Variants in KLHDC4 observed in about 807,000 individuals in gnomAD.
The protein encoded by KLHDC4 is kelch domain containing 4, also known as kelch domain-containing protein 4.
A neutral mutation model predicts 62.4 loss-of-function variants in KLHDC4; 90 were observed. That is an observed-to-expected ratio of 1.44 (90% CI 1.22 to 1.72). The LOEUF (loss-of-function observed/expected upper bound fraction) is 1.72. KLHDC4 is among the 40% of genes most tolerant of loss of function. The probability of loss-of-function intolerance (pLI) is 0.00; values close to 1 mark genes in which losing one functional copy is unlikely to be tolerated. For synonymous variants in KLHDC4, 386 were observed against 284.4 expected (o/e 1.36, Z -3.59); for missense variants, 1,025 against 699.7 (o/e 1.47, Z -5.25).
At chr16:87,719,989 C>T (rs2037933806) in intron 7 of KLHDC4, among the ~76,000 whole-genome samples, 1 of 152,202 alleles carries the variant, frequency 6.6e-6, no homozygotes, top group Admixed American at 6.5e-5. Flanking sequence ...CCTGCAGCCA[C>T]ATCCCCTGAT....
At chr16:87,710,501 C>CCT (rs1255484141) in intron 9 of KLHDC4, 2 of 152,338 alleles carry the variant, frequency 1.3e-5, no homozygotes, top group East Asian at 3.9e-4. Flanking sequence ...TGTCAACGGC[C>CCT]CTGAGATCAC....
chr16:87,706,165 C>T (rs1313771122), downstream of KLHDC4, among the ~76,000 whole-genome samples: 1 of 126,246 alleles, frequency 7.9e-6, no homozygotes, highest in Non-Finnish European at 1.6e-5. Flanking sequence ...GTAATGCAAA[C>T]ACAAGCTGCA....
Position 87,726,765 on chromosome 16 carries a change from C to G in KLHDC4, c.759G>C (p.Gln253His), listed in dbSNP as rs765112428. 5 of 1,565,490 alleles carry G rather than the reference C, an allele frequency of 3.2e-6. No homozygotes were observed. In the African/African-American group the frequency reaches 5.6e-5, roughly 17 times the overall value. ...CCTGTTTCCCCACCCCCCGCCTTAC[C>G]TGTTTCGAGTAGCCCCCATAGACGA... is the stretch of plus-strand genomic sequence containing the variant. ...GIVVYGGYSK[Q>H]RVKKDVDKGT... The change falls in exon 7 of 12, where the codon CAG becomes CAC. Residue 253 changes from glutamine (Q) to histidine (H), a missense_variant and splice_region_variant. By Grantham distance (24) the Gln-to-His change is conservative (BLOSUM62 0). Coordinates refer to ENST00000270583, the MANE Select transcript of KLHDC4 (RefSeq NM_017566.4).
chr16:87,740,616 T>A (rs1485208581), intron 5 of KLHDC4: 5 of 152,226 alleles, frequency 3.3e-5, no homozygotes, highest in Non-Finnish European at 5.9e-5. Context: ...AAACACCAGA[T>A]GCTGGTGTTT....
intron 7 of KLHDC4, among the ~76,000 whole-genome samples, chr16:87,718,949 C>G (rs934045027): frequency 6.6e-6 from 1 of 150,850 alleles, no homozygotes; most frequent in African/African-American, 2.4e-5. Flanking sequence ...CGTCTCTGCC[C>G]GGCCGCCCGG....
At chr16:87,703,477 C>G (rs1206363121), downstream of KLHDC4, 1 of 152,394 alleles carries the variant, frequency 6.6e-6, no homozygotes, top group Non-Finnish European at 1.5e-5. Context: ...GAGGCAGGCT[C>G]TGCCCTCCGG....
At chr16:87,708,105 G>C (rs562025908) in intron 11 of KLHDC4, 30 bp from the exon 12 acceptor site, 6 of 644,304 alleles carry the variant, frequency 9.3e-6, no homozygotes, top group South Asian at 7.6e-5. Context: ...GAATGAGAGA[G>C]AAACACATTC....
At chr16:87,712,338 C>T (rs2036059378) in intron 8 of KLHDC4, among the ~76,000 whole-genome samples, 1 of 152,178 alleles carries the variant, frequency 6.6e-6, no homozygotes, top group South Asian at 2.1e-4. Context: ...CGTCACCCGC[C>T]CATGCCCAGT....
Position 87,709,614 on chromosome 16 carries a change from T to G in KLHDC4, c.1098A>C (p.Glu366Asp), listed in dbSNP as rs376092035. ...CCCCACACGCCGGCCTGCTACCACC[T>G]TCGGGCTCCTCTTTTCTGCCCCGCC... ...KRRRGRKEEPEGGSRPACGGA... is the reference protein window; with the variant it reads ...KRRRGRKEEPDGGSRPACGGA... The change falls in exon 10 of 12, where the codon GAA becomes GAC. Residue 366 changes from glutamate to aspartate, a missense_variant. Glu to Asp is a conservative substitution (Grantham distance 45). Transcript: ENST00000270583. The G allele has an allele frequency of 2.5e-6, 4 of 1,609,996 alleles. No individual in the cohort carries two copies. In the African/African-American group the frequency reaches 5.3e-5, roughly 21 times the overall value.
chr16:87,720,556 G>A (rs906950273), intron 7 of KLHDC4, among the ~76,000 whole-genome samples: 20 of 152,202 alleles, frequency 1.3e-4, no homozygotes, highest in Admixed American at 7.9e-4. Flanking sequence ...CGCCCCTGGG[G>A]AGACGCCGCA....
chr16:87,730,778 A>G, intron 5 of KLHDC4, 134 bp from the exon 6 acceptor site: 3 of 725,924 alleles, frequency 4.1e-6, no homozygotes, highest in Non-Finnish European at 2.3e-6. Context: ...CAAATTAAAT[A>G]CCATTTAATC....
At chr16:87,751,644 T>C (rs1006699664) in intron 4 of KLHDC4, among the ~76,000 whole-genome samples, 1 of 152,102 alleles carries the variant, frequency 6.6e-6, no homozygotes, top group African/African-American at 2.4e-5. Flanking sequence ...CCTGGCCAGG[T>C]GCAGTGGCTC....
intron 7 of KLHDC4, among the ~76,000 whole-genome samples, chr16:87,724,546 A>G (rs1469368771): frequency 1.3e-5 from 2 of 152,210 alleles, no homozygotes; most frequent in African/African-American, 2.4e-5. Context: ...AGCAGAAGAC[A>G]TGAACACACA....
At chr16:87,716,113 T>A (rs1314759395) in intron 7 of KLHDC4, among the ~76,000 whole-genome samples, 1 of 152,190 alleles carries the variant, frequency 6.6e-6, no homozygotes, top group Non-Finnish European at 1.5e-5. Context: ...AGACTTTGGG[T>A]ACACACTATG....
chr16:87,765,125 G>A (rs1341483305), intron 1 of KLHDC4: 7 of 455,910 alleles, frequency 1.5e-5, no homozygotes, highest in Non-Finnish European at 2.2e-5. Flanking sequence ...CCATAAAACT[G>A]GCCCCGGTTA....
At chr16:87,709,861 T>G in intron 9 of KLHDC4, 194 bp from the exon 10 acceptor site, 1 of 647,494 alleles carries the variant, frequency 1.5e-6, no homozygotes, top group East Asian at 2.8e-5. Flanking sequence ...TGTCTCCCAC[T>G]AGCCTCGCCG....
intron 4 of KLHDC4, among the ~76,000 whole-genome samples, chr16:87,753,621 G>C (rs749851346): frequency 6.6e-6 from 1 of 150,886 alleles, no homozygotes; most frequent in Non-Finnish European, 1.5e-5. Context: ...CCAACATGGT[G>C]AAACCCCGTC....
chr16:87,743,726 C>A (rs569256045), intron 5 of KLHDC4, among the ~76,000 whole-genome samples: 1 of 151,540 alleles, frequency 6.6e-6, no homozygotes, highest in East Asian at 1.9e-4. Flanking sequence ...GGAGACAGAG[C>A]GCGACACCGC....
intron 7 of KLHDC4, among the ~76,000 whole-genome samples, chr16:87,717,134 G>C (rs992052266): frequency 2.0e-5 from 3 of 151,924 alleles, no homozygotes; most frequent in African/African-American, 7.3e-5. Context: ...CCAACGCTGA[G>C]GTGGGAGGAC....
Sources: allele counts gnomAD v4.1 joint callset (sites outside exome capture counted in the v4.1 genomes callset), GRCh38; gene constraint gnomAD v4.1.1; transcripts MANE v1.5; gene names NCBI Gene and HGNC (gene_info 2026-07-23, HGNC 2026-07-21).